The following NIPBL variants were observed in gnomAD, a reference collection of about 807,000 sequenced individuals.
The protein encoded by NIPBL is NIPBL cohesin loading factor, also known as nipped-B-like protein.
In NIPBL, 19 loss-of-function variants were observed where a neutral mutation model predicts 321.8. That is an observed-to-expected ratio of 0.06 (90% CI 0.04 to 0.09). The LOEUF (loss-of-function observed/expected upper bound fraction) is 0.09. NIPBL is among the 10% of genes least tolerant of loss of function. NIPBL has a pLI of 1.00. For missense variants in NIPBL, 2,210 were observed against 3,327.0 expected, an observed-to-expected ratio of 0.66 and a Z score of 8.26; for synonymous variants, 1,106 against 1,114.1, an observed-to-expected ratio of 0.99 and a Z score of 0.14.
intron 1 of NIPBL, among the ~76,000 whole-genome samples, chr5:36,923,028 C>T (rs1456297002): frequency 4.6e-5 from 7 of 152,136 alleles, no homozygotes; most frequent in Admixed American, 3.9e-4. Context: ...GTGGCTCACA[C>T]CTGTAATCCC....
At chr5:36,959,072 T>A (rs1412564881) in intron 4 of NIPBL, among the ~76,000 whole-genome samples, 1 of 152,070 alleles carries the variant, frequency 6.6e-6, no homozygotes, top group East Asian at 1.9e-4. Context: ...CCAGGCATTA[T>A]GGTGTGCGCC....
chr5:36,951,046 AATC>A (rs1206500314), intron 1 of NIPBL, among the ~76,000 whole-genome samples: 1 of 152,156 alleles, frequency 6.6e-6, no homozygotes, highest in Non-Finnish European at 1.5e-5. Flanking sequence ...TTTTGTCAGT[AATC>A]ATCAACGTGT....
chr5:36,949,132 A>T (rs1036058234), intron 1 of NIPBL, among the ~76,000 whole-genome samples: 20 of 151,882 alleles, frequency 1.3e-4, no homozygotes, highest in African/African-American at 4.6e-4. Flanking sequence ...AAATTTAATA[A>T]TAATTACCTA....
intron 42 of NIPBL, among the ~76,000 whole-genome samples, chr5:37,055,138 C>T (rs1450210667): frequency 6.6e-6 from 1 of 152,026 alleles, no homozygotes; most frequent in Non-Finnish European, 1.5e-5. Flanking sequence ...CACCTGAGGT[C>T]AGGAGTTCGA....
chr5:37,027,709 C>T (rs1327694792), intron 32 of NIPBL, among the ~76,000 whole-genome samples: 2 of 149,038 alleles, frequency 1.3e-5, no homozygotes, highest in African/African-American at 5.0e-5. Context: ...ACCTCTGCCT[C>T]CTGGGTTCAA....
At chr5:37,008,419 T>A (rs1428276732) in intron 19 of NIPBL, among the ~76,000 whole-genome samples, 2 of 152,128 alleles carry the variant, frequency 1.3e-5, no homozygotes, top group Non-Finnish European at 2.9e-5. Context: ...TAGCCAAGAT[T>A]TCATAGTCCT....
Position 36,976,285 on chromosome 5 carries a change from T to C in NIPBL, c.1378T>C (p.Ser460Pro). ...TSVVQNQQQI[S>P]QQGPIYDEVE... is the part of the protein sequence containing the mutation. ...TGTGGTACAGAATCAACAACAGATATCACAACAGGGACCTATATATGATGA... is the reference window on the plus strand; with the variant it reads ...TGTGGTACAGAATCAACAACAGATACCACAACAGGGACCTATATATGATGA... The change falls in exon 9 of 47, where the codon TCA becomes CCA. Residue 460 changes from serine to proline, a missense_variant. Physicochemically the swap from Ser to Pro is moderately conservative, Grantham distance 74 (BLOSUM62 -1). Transcript: ENST00000282516. 3 of 1,613,642 alleles carry C rather than the reference T, an allele frequency of 1.9e-6. No homozygotes were observed. Among genetic ancestry groups the C allele is most frequent in the Non-Finnish European group, 2.5e-6 (3 of 1,179,834 alleles).
At chr5:36,899,472 T>C (rs1279003444) in intron 1 of NIPBL, among the ~76,000 whole-genome samples, 2 of 152,244 alleles carry the variant, frequency 1.3e-5, no homozygotes, top group Admixed American at 6.5e-5. Flanking sequence ...TCATATTCAG[T>C]GCAGACTGTT....
chr5:37,021,814 T>C (rs189663906), intron 27 of NIPBL, among the ~76,000 whole-genome samples: 1 of 152,284 alleles, frequency 6.6e-6, no homozygotes, highest in African/African-American at 2.4e-5. Context: ...AGCAAAACAA[T>C]TAAAAAACAG....
intron 44 of NIPBL, among the ~76,000 whole-genome samples, chr5:37,060,036 G>T (rs539653387): frequency 1.3e-5 from 2 of 152,172 alleles, no homozygotes; most frequent in Non-Finnish European, 2.9e-5. Flanking sequence ...TGGCCAACTG[G>T]AAAGAGTGTG....
intron 21 of NIPBL, among the ~76,000 whole-genome samples, chr5:37,010,433 AGCCTGCTGAGTAG>A (rs1322749846): frequency 5.9e-5 from 9 of 152,194 alleles, no homozygotes; most frequent in African/African-American, 1.9e-4. Context: ...CTCCTGCCTC[AGCCTGCTGAGTAG>A]CTGGGATTAC....
chr5:36,976,383 A>C lies in NIPBL; in HGVS notation c.1476A>C (p.Ser492=). ...RESAIERERF[S]KEVQDKDKPL... ...CAGCTATTGAAAGGGAGCGCTTCTC[A>C]AAAGAAGTTCAAGATAAAGGTAAAA... Residue 492 remains serine, a synonymous_variant, in exon 9 of 47, where the codon TCA becomes TCC. Coordinates refer to ENST00000282516, the MANE Select transcript of NIPBL (RefSeq NM_133433.4). 1 of 1,608,108 alleles carries C rather than the reference A, an allele frequency of 6.2e-7. No individual in the cohort carries two copies. The highest frequency in any genetic ancestry group is 1.3e-5 in the African/African-American group (1 of 75,052).
rs541590386 is a variant in NIPBL at position 37,062,356 on chromosome 5, C to T, written c.7860+1338C>T. On this transcript the variant is annotated intron_variant, in intron 45 of 46. Coordinates refer to ENST00000282516, the MANE Select transcript of NIPBL (RefSeq NM_133433.4). Reference sequence around the variant, plus strand: ...CTGATAACCAATATTATTACTTTTTCGTATGTTCTTATATGAGTAATGCCA... The same window carrying T: ...CTGATAACCAATATTATTACTTTTTTGTATGTTCTTATATGAGTAATGCCA... 1.3e-4 allele frequency among the ~76,000 whole-genome samples: 20 copies of T among 151,828 alleles called. No individual in the cohort carries two copies. In the South Asian group the frequency reaches 3.3e-3, roughly 25 times the overall value.
chr5:36,959,779 TTG>T (rs1741397150), intron 4 of NIPBL, among the ~76,000 whole-genome samples: 1 of 152,238 alleles, frequency 6.6e-6, no homozygotes, highest in South Asian at 2.1e-4. Flanking sequence ...GTCACATATT[TTG>T]TGTTTTATAC....
At chr5:36,990,244 G>T (rs1390864581) in intron 10 of NIPBL, among the ~76,000 whole-genome samples, 1 of 152,142 alleles carries the variant, frequency 6.6e-6, no homozygotes, top group Non-Finnish European at 1.5e-5. Context: ...CCTTACTAGC[G>T]ACAGTGATCG....
chr5:36,888,769 A>C (rs1746105190), intron 1 of NIPBL, among the ~76,000 whole-genome samples: 1 of 152,112 alleles, frequency 6.6e-6, no homozygotes, highest in South Asian at 2.1e-4. Context: ...AGTTTGAGCC[A>C]AAGGGTCTGC....
chr5:36,926,714 T>G (rs1749391400), intron 1 of NIPBL, among the ~76,000 whole-genome samples: 1 of 152,170 alleles, frequency 6.6e-6, no homozygotes, highest in African/African-American at 2.4e-5. Flanking sequence ...AATTTGTGGT[T>G]TTTATTTTTT....
At chr5:36,898,288 A>G (rs1345448388) in intron 1 of NIPBL, among the ~76,000 whole-genome samples, 1 of 152,164 alleles carries the variant, frequency 6.6e-6, no homozygotes, top group Non-Finnish European at 1.5e-5. Context: ...AGTGACCTTT[A>G]GGTCTTAAAA....
intron 24 of NIPBL, among the ~76,000 whole-genome samples, chr5:37,018,555 G>C (rs1420828924): frequency 6.6e-6 from 1 of 152,098 alleles, no homozygotes; most frequent in Non-Finnish European, 1.5e-5. Context: ...GGTTCCTTTT[G>C]TTGGTGAATT....
Sources: allele counts gnomAD v4.1 joint callset (sites outside exome capture counted in the v4.1 genomes callset), GRCh38; gene constraint gnomAD v4.1.1; transcripts MANE v1.5; gene names NCBI Gene and HGNC (gene_info 2026-07-23, HGNC 2026-07-21).